The following EPHA6 variants were observed in gnomAD, a reference collection of about 807,000 sequenced individuals.
EPHA6 encodes ephrin type-A receptor 6.
A neutral mutation model predicts 112.0 loss-of-function variants in EPHA6; 50 were observed. The observed-to-expected ratio is 0.45, with a 90% CI of 0.36 to 0.56. EPHA6 has a LOEUF of 0.56. Among genes scored for constraint, EPHA6 ranks in the 20% least tolerant of loss-of-function variants. The pLI is 0.00. For missense variants in EPHA6, 1,280 were observed against 1,417.4 expected, an observed-to-expected ratio of 0.90 and a Z score of 1.56; for synonymous variants, 529 against 490.7, an observed-to-expected ratio of 1.08 and a Z score of -1.03.
intron 6 of EPHA6, among the ~76,000 whole-genome samples, chr3:97,444,286 G>A (rs568326988): frequency 6.6e-6 from 1 of 152,080 alleles, no homozygotes; most frequent in East Asian, 1.9e-4. Flanking sequence ...TAGGCCCAAA[G>A]ACTTTAGGAG....
chr3:97,646,672 C>T (rs2094066839), intron 14 of EPHA6, among the ~76,000 whole-genome samples: 1 of 152,168 alleles, frequency 6.6e-6, no homozygotes, highest in Non-Finnish European at 1.5e-5. Flanking sequence ...AAACAGGAGT[C>T]CATATGTACT....
At chr3:97,319,521 T>A (rs1320558062) in intron 5 of EPHA6, among the ~76,000 whole-genome samples, 1 of 150,478 alleles carries the variant, frequency 6.6e-6, no homozygotes, top group Non-Finnish European at 1.5e-5. Context: ...TGCAAAAAAA[T>A]TAGCCAGATA....
Position 97,550,601 on chromosome 3 carries a change from C to T in EPHA6, c.2386+18058C>T, listed in dbSNP as rs117563254. Among the ~76,000 whole-genome samples the T allele has an allele frequency of 5.6e-4, 86 of 152,222 alleles. 1 individual carries two copies. In the East Asian group the frequency reaches 0.016, roughly 28 times the overall value. ...CTGGGAAGACACTGATGCAATTCTG[C>T]AAGAATTAAAACATCTCTGACTGCA... On this transcript the variant is annotated intron_variant, in intron 11 of 17. Transcript: ENST00000389672.
intron 3 of EPHA6, among the ~76,000 whole-genome samples, chr3:97,100,006 G>A (rs1431236374): frequency 6.6e-6 from 1 of 151,940 alleles, no homozygotes; most frequent in African/African-American, 2.4e-5. Context: ...TCCACCATGT[G>A]TATGTGTATT....
intron 1 of EPHA6, among the ~76,000 whole-genome samples, chr3:96,817,646 C>A (rs1323501105): frequency 6.6e-6 from 1 of 151,732 alleles, no homozygotes; most frequent in African/African-American, 2.4e-5. Flanking sequence ...TATGTAACTT[C>A]TTCCTGATTA....
At chr3:97,125,294 A>G (rs1239268393) in intron 3 of EPHA6, among the ~76,000 whole-genome samples, 6 of 152,196 alleles carry the variant, frequency 3.9e-5, no homozygotes, top group Non-Finnish European at 4.4e-5. Context: ...ACACACTTCT[A>G]TTGATTGTTT....
intron 10 of EPHA6, among the ~76,000 whole-genome samples, chr3:97,494,905 C>A (rs1258853267): frequency 6.6e-6 from 1 of 152,190 alleles, no homozygotes; most frequent in East Asian, 1.9e-4. Flanking sequence ...TTCCATCCGA[C>A]ATGATGTCTA....
intron 3 of EPHA6, among the ~76,000 whole-genome samples, chr3:97,024,812 A>G (rs2107993343): frequency 6.6e-6 from 1 of 152,252 alleles, no homozygotes; most frequent in East Asian, 1.9e-4. Flanking sequence ...GTGTTAGATT[A>G]TTTTAAGTGA....
chr3:97,642,692 A>G (rs922670206), intron 14 of EPHA6, among the ~76,000 whole-genome samples: 129 of 152,156 alleles, frequency 8.5e-4, no homozygotes, highest in African/African-American at 2.7e-3. Context: ...GGGTATCAGC[A>G]ATGGAAGATG....
intron 6 of EPHA6, among the ~76,000 whole-genome samples, chr3:97,415,557 T>C (rs1287563606): frequency 6.6e-6 from 1 of 152,092 alleles, no homozygotes; most frequent in African/African-American, 2.4e-5. Flanking sequence ...AAACTGGTCC[T>C]GTGTAATGGT....
chr3:96,956,741 A>G (rs1334309810), intron 2 of EPHA6, among the ~76,000 whole-genome samples: 2 of 152,118 alleles, frequency 1.3e-5, no homozygotes, highest in Non-Finnish European at 2.9e-5. Flanking sequence ...AATAAAATGT[A>G]TAAAAAATGT....
At chr3:97,664,737 T>A (rs1201776532) in intron 14 of EPHA6, among the ~76,000 whole-genome samples, 2 of 152,154 alleles carry the variant, frequency 1.3e-5, no homozygotes, top group Admixed American at 1.3e-4. Context: ...TCAAAGAGAA[T>A]AAAATACCTA....
In EPHA6 at chr3:96,987,699, G is replaced by A. The variant is rs753557728; in HGVS notation, c.820G>A (p.Glu274Lys). ...TGAAATTCGTGAGGTGGGGCCTATA[G>A]AAAGGAAAGGATTTTATCTGGCTTT... Reference protein sequence around the residue: ...NTEIREVGPIERKGFYLAFQD... With the variant: ...NTEIREVGPIKRKGFYLAFQD... The change falls in exon 3 of 18, where the codon GAA becomes AAA. Residue 274 changes from glutamate to lysine, a missense_variant. Glu to Lys is a moderately conservative substitution (Grantham distance 56, BLOSUM62 1). Around this residue, in one of 4 missense-constraint regions of EPHA6, gnomAD observed 878 missense variants for 999.7 expected, o/e 0.88. Coordinates refer to ENST00000389672, the MANE Select transcript of EPHA6 (RefSeq NM_001080448.3). The A allele has an allele frequency of 3.1e-6, 5 of 1,607,738 alleles. No homozygotes were observed. The highest frequency in any genetic ancestry group is 4.3e-6 in the Non-Finnish European group (5 of 1,175,976).
Position 97,750,504 on chromosome 3 carries a change from C to CA in EPHA6, c.*1803_*1804insA, listed in dbSNP as rs2035874247. Among the ~76,000 whole-genome samples, 2 of 151,948 alleles carry CA rather than the reference C, an allele frequency of 1.3e-5. No homozygotes were observed. The highest frequency in any genetic ancestry group is 1.9e-4 in the East Asian group (1 of 5,160). On this transcript the variant is annotated 3_prime_UTR_variant, in exon 18 of 18. Transcript: ENST00000389672. Reference sequence around the variant, plus strand: ...CCCGAGTAGCTGGGATTACAGGCGCCTGCCACCACTCCCGGCTAATTTTTG... The same window carrying CA: ...CCCGAGTAGCTGGGATTACAGGCGCCATGCCACCACTCCCGGCTAATTTTTG...
chr3:97,277,294 T>C (rs921463941), intron 5 of EPHA6, among the ~76,000 whole-genome samples: 12 of 150,772 alleles, frequency 8.0e-5, no homozygotes, highest in African/African-American at 2.9e-4. Flanking sequence ...AAAATTACAG[T>C]CAAAGGGGAG....
At chr3:97,109,156 A>C (rs1010957633) in intron 3 of EPHA6, among the ~76,000 whole-genome samples, 4 of 152,198 alleles carry the variant, frequency 2.6e-5, no homozygotes, top group African/African-American at 9.7e-5. Flanking sequence ...AATATTTTTG[A>C]ATGAATGAGT....
chr3:97,164,445 C>A (rs2076490432), intron 3 of EPHA6, among the ~76,000 whole-genome samples: 1 of 152,036 alleles, frequency 6.6e-6, no homozygotes, highest in South Asian at 2.1e-4. Flanking sequence ...GTAGACTGTT[C>A]AATTTCTGAA....
chr3:97,239,933 C>G (rs190906437), intron 4 of EPHA6, among the ~76,000 whole-genome samples: 7 of 151,880 alleles, frequency 4.6e-5, no homozygotes, highest in Admixed American at 4.6e-4. Context: ...TTTTAATAAT[C>G]TAAACAGATA....
chr3:97,100,741 A>T (rs1268519566), intron 3 of EPHA6, among the ~76,000 whole-genome samples: 4 of 152,026 alleles, frequency 2.6e-5, no homozygotes, highest in African/African-American at 9.7e-5. Flanking sequence ...ACATTATCAA[A>T]GTGATATACC....
Sources: allele counts gnomAD v4.1 joint callset (sites outside exome capture counted in the v4.1 genomes callset), GRCh38; gene constraint gnomAD v4.1.1; regional missense constraint gnomAD v4.1.1; transcripts MANE v1.5; gene names NCBI Gene and HGNC (gene_info 2026-07-23, HGNC 2026-07-21).